The following ZRANB1 variants were observed in gnomAD, a reference collection of about 807,000 sequenced individuals.
ZRANB1 encodes ubiquitin thioesterase ZRANB1.
A neutral mutation model predicts 80.5 loss-of-function variants in ZRANB1; 16 were observed. That is an observed-to-expected ratio of 0.20 (90% confidence interval 0.13 to 0.30). The LOEUF (loss-of-function observed/expected upper bound fraction) is 0.30. ZRANB1 is among the 10% of genes least tolerant of loss of function. ZRANB1 has a pLI of 1.00. For missense variants in ZRANB1, 576 were observed against 862.6 expected (o/e 0.67, Z 4.16); for synonymous variants, 291 against 293.1 (o/e 0.99, Z 0.07).
chr10:124,941,042 C>CT (rs142860410), upstream of ZRANB1, among the ~76,000 whole-genome samples: 1,080 of 151,976 alleles, frequency 7.1e-3, 17 homozygotes, highest in African/African-American at 0.025. Context: ...AGATTTAACC[C>CT]TCTAGGTTCA....
chr10:124,962,670 A>G (rs1271084903), intron 1 of ZRANB1, among the ~76,000 whole-genome samples: 1 of 148,820 alleles, frequency 6.7e-6, no homozygotes, highest in Non-Finnish European at 1.5e-5. Context: ...AGCTTACGGA[A>G]TAATATATGT....
At chr10:124,972,162 T>TCTCCTTTGA (rs763625220) in intron 3 of ZRANB1, 44 bp downstream of exon 3, 1 of 1,583,594 alleles carries the variant, frequency 6.3e-7, no homozygotes, top group Non-Finnish European at 8.6e-7. Context: ...TATTTTATTA[T>TCTCCTTTGA]AGTTACATTT....
chr10:124,922,585 C>G, the ZRANB1 span, among the ~76,000 whole-genome samples: 8 of 151,444 alleles, frequency 5.3e-5, no homozygotes, highest in African/African-American at 1.9e-4. Flanking sequence ...CTCCACCACC[C>G]GGCTTGAAGT....
In ZRANB1 at chr10:124,942,918, AT is replaced by A; in HGVS notation, c.426del (p.Asp142GlufsTer5). ...FSVDPCEEYN[D>X]RNKLNTRTQH... ...GTTGATCCTTGTGAGGAATACAATG[AT>A]AGAAATAAACTGAACACTAGGACAC... On this transcript the variant is annotated frameshift_variant, in exon 1 of 9. Coordinates refer to ENST00000359653, the MANE Select transcript of ZRANB1 (RefSeq NM_017580.3). LOFTEE classifies it high-confidence loss of function. The A allele has an allele frequency of 6.2e-7, 1 of 1,614,210 alleles. No homozygotes were observed. Among genetic ancestry groups the A allele is most frequent in the Non-Finnish European group, 8.5e-7 (1 of 1,180,046 alleles).
the ZRANB1 span, among the ~76,000 whole-genome samples, chr10:124,924,091 A>T: frequency 6.7e-6 from 1 of 149,266 alleles, no homozygotes; most frequent in Non-Finnish European, 1.5e-5. Context: ...TTTTTTTGAG[A>T]TGGGGTCTTG....
At chr10:124,918,329 T>A in the ZRANB1 span, among the ~76,000 whole-genome samples, 1 of 152,184 alleles carries the variant, frequency 6.6e-6, no homozygotes. Flanking sequence ...TAGTTGGGAC[T>A]ACAGGCATGC....
the ZRANB1 span, among the ~76,000 whole-genome samples, chr10:124,933,013 ACTTAT>A: frequency 4.6e-5 from 7 of 152,124 alleles, no homozygotes; most frequent in South Asian, 2.1e-4. Context: ...GATAATAGTC[ACTTAT>A]CTTTTGCAAA....
intron 1 of ZRANB1, among the ~76,000 whole-genome samples, chr10:124,955,069 C>T (rs1008963229): frequency 9.4e-5 from 14 of 149,390 alleles, no homozygotes; most frequent in Non-Finnish European, 1.0e-4. Flanking sequence ...GTGGAGCTTG[C>T]AGTGAGCCGA....
At chr10:124,966,461 G>A in intron 1 of ZRANB1, 133 bp from the exon 2 acceptor site, 4 of 863,506 alleles carry the variant, frequency 4.6e-6, no homozygotes, top group South Asian at 3.5e-5. Context: ...TACTCTTATA[G>A]GACATTTAAA....
intron 1 of ZRANB1, among the ~76,000 whole-genome samples, chr10:124,954,570 C>T (rs888308254): frequency 6.7e-6 from 1 of 150,242 alleles, no homozygotes; most frequent in Non-Finnish European, 1.5e-5. Flanking sequence ...GCCTCAGCTT[C>T]CCTAGTAGCT....
the ZRANB1 span, among the ~76,000 whole-genome samples, chr10:124,929,290 C>G: frequency 6.6e-6 from 1 of 151,678 alleles, no homozygotes; most frequent in African/African-American, 2.4e-5. Context: ...GGGTTCACTT[C>G]CTAGCCTTGT....
chr10:124,928,846 T>C, the ZRANB1 span, among the ~76,000 whole-genome samples: 1 of 152,184 alleles, frequency 6.6e-6, no homozygotes, highest in African/African-American at 2.4e-5. Flanking sequence ...AGAGGTGACA[T>C]TTAAACTGAT....
Position 124,985,583 on chromosome 10 carries a change from A to G in ZRANB1, c.*591A>G, listed in dbSNP as rs1156422574. The G allele has an allele frequency of 6.5e-6, 1 of 152,722 alleles. No individual in the cohort carries two copies. Among genetic ancestry groups the G allele is most frequent in the Admixed American group, 6.5e-5 (1 of 15,292 alleles). The allele number at this position is 152,722 out of a possible 1,614,324, so 9.5% of individuals were successfully genotyped here. A position where few individuals can be genotyped will look rare whatever the true frequency, so the allele number is the denominator to read the frequency against. On this transcript the variant is annotated 3_prime_UTR_variant, in exon 9 of 9. Transcript: ENST00000359653. Reference sequence around the variant, plus strand: ...TAGGAACAAACTGCAAGAAAAGCTAAGAATGTTTTAGAGTGAACTAAATAC... The same window carrying G: ...TAGGAACAAACTGCAAGAAAAGCTAGGAATGTTTTAGAGTGAACTAAATAC...
At chr10:124,967,510 TTA>T (rs1951786174) in intron 2 of ZRANB1, among the ~76,000 whole-genome samples, 1 of 152,150 alleles carries the variant, frequency 6.6e-6, no homozygotes, top group Non-Finnish European at 1.5e-5. Flanking sequence ...AATTTGAAGA[TTA>T]TCCCTAGGCA....
the ZRANB1 span, among the ~76,000 whole-genome samples, chr10:124,929,803 G>C: frequency 6.6e-6 from 1 of 151,856 alleles, no homozygotes; most frequent in East Asian, 2.0e-4. Flanking sequence ...AAAAGTAGCT[G>C]GGTTTGGTGG....
the ZRANB1 span, among the ~76,000 whole-genome samples, chr10:124,936,304 C>T: frequency 1.3e-5 from 2 of 152,098 alleles, no homozygotes; most frequent in Non-Finnish European, 2.9e-5. Flanking sequence ...TATGGTAGTT[C>T]TGACCTGAAC....
intron 1 of ZRANB1, among the ~76,000 whole-genome samples, chr10:124,962,183 A>G (rs116238702): frequency 1.4e-4 from 21 of 152,378 alleles, no homozygotes; most frequent in African/African-American, 5.0e-4. Context: ...AACCGGTTAA[A>G]TGAGTTAAAC....
intron 1 of ZRANB1, among the ~76,000 whole-genome samples, chr10:124,954,747 C>A (rs1951675453): frequency 6.6e-6 from 1 of 150,912 alleles, no homozygotes; most frequent in African/African-American, 2.4e-5. Flanking sequence ...AGTACCTGGC[C>A]CCTTTTTACT....
At chr10:124,938,740 C>G (rs1166434203), upstream of ZRANB1, among the ~76,000 whole-genome samples, 2 of 150,496 alleles carry the variant, frequency 1.3e-5, no homozygotes. Context: ...CAGCCTTGCT[C>G]TGTCATCCCA....
Sources: gnomAD v4.1 joint callset for allele counts (sites outside exome capture counted in the v4.1 genomes callset) on GRCh38, gnomAD v4.1.1 for gene constraint, MANE v1.5 for transcripts, NCBI Gene and HGNC (gene_info 2026-07-23, HGNC 2026-07-21) for gene names.